The following LPP variants were observed in gnomAD, a reference collection of about 807,000 sequenced individuals.
The protein encoded by LPP is LIM domain containing preferred translocation partner in lipoma.
Under a neutral mutation model 60.4 loss-of-function variants are expected in LPP, and 38 were observed. The observed-to-expected ratio is 0.63, with a 90% CI of 0.49 to 0.83. LPP has a LOEUF of 0.83. LPP is among the 40% of genes least tolerant of loss of function. The pLI is 0.00. For synonymous variants in LPP, 328 were observed against 290.8 expected (o/e 1.13, Z -1.30); for missense variants, 902 against 783.6 (o/e 1.15, Z -1.80).
At chr3:188,559,732 A>G (rs1459705056) in intron 6 of LPP, among the ~76,000 whole-genome samples, 5 of 152,076 alleles carry the variant, frequency 3.3e-5, no homozygotes, top group African/African-American at 1.2e-4. Context: ...CCAGTACCAC[A>G]ATGGGAAATA....
intron 7 of LPP, among the ~76,000 whole-genome samples, chr3:188,679,237 G>C (rs1237313679): frequency 6.6e-6 from 1 of 152,140 alleles, no homozygotes; most frequent in Non-Finnish European, 1.5e-5. Context: ...GACATCACTG[G>C]AAAGCCTTCC....
intron 3 of LPP, among the ~76,000 whole-genome samples, chr3:188,356,955 G>C (rs956151113): frequency 2.0e-5 from 3 of 152,184 alleles, no homozygotes; most frequent in Admixed American, 6.5e-5. Context: ...CCATTCTGGG[G>C]AGGTGGGTGA....
chr3:188,306,633 A>G (rs1007562324), intron 2 of LPP, among the ~76,000 whole-genome samples: 4 of 152,102 alleles, frequency 2.6e-5, no homozygotes, highest in Admixed American at 6.5e-5. Context: ...GTGTTGTTGA[A>G]ATGCCATGCT....
In LPP at chr3:188,188,195, A is replaced by G. The variant is rs570468023; in HGVS notation, c.-190+33943A>G. 2.6e-5 allele frequency among the ~76,000 whole-genome samples: 4 copies of G among 152,354 alleles called. No homozygotes were observed. In the South Asian group the frequency reaches 8.3e-4, roughly 32 times the overall value. ...CTTTGAGGACATATGCCAGTTGACT[A>G]CAATGGTGCTAGGTTTTAGTGGGGA... On this transcript the variant is annotated intron_variant, in intron 1 of 11. Transcript: ENST00000617246.
intron 7 of LPP, among the ~76,000 whole-genome samples, chr3:188,659,223 T>C (rs1049797853): frequency 1.3e-5 from 2 of 152,226 alleles, no homozygotes; most frequent in African/African-American, 4.8e-5. Flanking sequence ...CCCTGGGACC[T>C]AATGATCGTT....
intron 1 of LPP, among the ~76,000 whole-genome samples, chr3:188,183,279 C>T (rs1467905318): frequency 6.6e-6 from 1 of 152,170 alleles, no homozygotes; most frequent in Non-Finnish European, 1.5e-5. Flanking sequence ...CTTATGTCCT[C>T]TTTGGGGCTA....
Position 188,711,321 on chromosome 3 carries a change from A to C in LPP, c.1240+2928A>C, listed in dbSNP as rs1866591243. 2.0e-5 allele frequency: 3 copies of C among 152,232 alleles called. No individual in the cohort carries two copies. The South Asian group carries it at 6.2e-4, about 31-fold the overall frequency. 9.4% of individuals were successfully genotyped at this position (152,232 alleles called of 1,614,324 possible). ...ACTCATTTCACTCTTATAGGAAAAC[A>C]TAACCCTGTGAAATAGATACTATTA... On this transcript the variant is annotated intron_variant, in intron 8 of 11. Transcript: ENST00000617246.
At chr3:188,452,230 A>G (rs192714104) in intron 4 of LPP, among the ~76,000 whole-genome samples, 334 of 152,306 alleles carry the variant, frequency 2.2e-3, no homozygotes, top group African/African-American at 7.5e-3. Flanking sequence ...ACTGTTATCA[A>G]TGAATATCCC....
chr3:188,547,537 A>G (rs750514550), intron 6 of LPP, among the ~76,000 whole-genome samples: 20 of 152,176 alleles, frequency 1.3e-4, no homozygotes, highest in Non-Finnish European at 1.8e-4. Context: ...ATGTGGTAAC[A>G]TTCATGATTT....
intron 2 of LPP, among the ~76,000 whole-genome samples, chr3:188,331,823 T>A (rs1760160022): frequency 1.3e-5 from 2 of 152,220 alleles, no homozygotes; most frequent in South Asian, 4.1e-4. Context: ...GCTTATTAGA[T>A]GTGTGAACTT....
In LPP at chr3:188,445,452, A is replaced by G. The variant is rs112226166; in HGVS notation, c.193+39139A>G. The stretch of plus-strand genomic sequence containing the variant: ...GGAGTTGAAGAATGAGAACACATGG[A>G]CACAGGGAGGGTAACATCACACACC... On this transcript the variant is annotated intron_variant, in intron 4 of 11. Transcript: ENST00000617246. 3.0e-3 allele frequency among the ~76,000 whole-genome samples: 450 copies of G among 152,260 alleles called. 1 individual carries two copies. The highest frequency in any genetic ancestry group is 9.6e-3 in the African/African-American group (400 of 41,536).
chr3:188,316,581 C>G (rs1384716917), intron 2 of LPP, among the ~76,000 whole-genome samples: 8 of 152,134 alleles, frequency 5.3e-5, no homozygotes, highest in Non-Finnish European at 1.2e-4. Context: ...TGCACAGAAG[C>G]CCAAGTCCAG....
intron 6 of LPP, chr3:188,553,633 G>C (rs1828744234): frequency 6.6e-6 from 1 of 152,194 alleles, no homozygotes; most frequent in South Asian, 2.1e-4. Context: ...GTTTGTTCAA[G>C]AATGATTCAT....
At chr3:188,469,772 T>C (rs1336929207) in intron 4 of LPP, among the ~76,000 whole-genome samples, 1 of 152,192 alleles carries the variant, frequency 6.6e-6, no homozygotes, top group African/African-American at 2.4e-5. Flanking sequence ...CAGTAAAGCA[T>C]CTATTCAATA....
At chr3:188,753,174 A>G (rs1455044559) in intron 8 of LPP, among the ~76,000 whole-genome samples, 1 of 152,240 alleles carries the variant, frequency 6.6e-6, no homozygotes, top group Non-Finnish European at 1.5e-5. Context: ...GTGATGGAAC[A>G]TCAGGTTTCT....
At chr3:188,292,696 C>T (rs182175769) in intron 2 of LPP, among the ~76,000 whole-genome samples, 2 of 152,272 alleles carry the variant, frequency 1.3e-5, no homozygotes, top group East Asian at 3.9e-4. Context: ...TTTTGGAAAT[C>T]TATTTCTTTT....
At chr3:188,797,837 TTTTC>T (rs1475638420) in intron 9 of LPP, among the ~76,000 whole-genome samples, 9 of 152,214 alleles carry the variant, frequency 5.9e-5, no homozygotes, top group African/African-American at 1.9e-4. Context: ...GGCCTATAAC[TTTTC>T]TTTCTATTTG....
At chr3:188,668,520 C>CT (rs1301483981) in intron 7 of LPP, among the ~76,000 whole-genome samples, 2 of 152,142 alleles carry the variant, frequency 1.3e-5, no homozygotes, top group Non-Finnish European at 2.9e-5. Flanking sequence ...CCAAAAAACT[C>CT]TAATTCCATA....
intron 3 of LPP, among the ~76,000 whole-genome samples, chr3:188,353,675 T>C (rs1365424229): frequency 6.6e-6 from 1 of 152,208 alleles, no homozygotes; most frequent in African/African-American, 2.4e-5. Context: ...TTCAGTCTTT[T>C]TATGTTGTAA....
Sources: gnomAD v4.1 joint callset for allele counts (sites outside exome capture counted in the v4.1 genomes callset) on GRCh38, gnomAD v4.1.1 for gene constraint, MANE v1.5 for transcripts, NCBI Gene and HGNC (gene_info 2026-07-23, HGNC 2026-07-21) for gene names.